Variants in OR2C3 observed in about 807,000 individuals in gnomAD.
The protein encoded by OR2C3 is olfactory receptor 2C3.
For synonymous variants in OR2C3, 178 were observed against 163.4 expected (o/e 1.09, Z -0.68); for missense variants, 425 against 401.5 (o/e 1.06, Z -0.50).
rs527682654 is a variant in OR2C3 at position 247,525,050 on chromosome 1, T to G, written c.*6499A>C. On this transcript the variant is annotated 3_prime_UTR_variant, in exon 3 of 3. Coordinates refer to ENST00000641802, the MANE Select transcript of OR2C3 (RefSeq NM_198074.6). Reference sequence around the variant, plus strand: ...ATGTTAGTGAAACTGTGAGAATATATGCCTTTGTACACATTATTGGCAAAA... The same window carrying G: ...ATGTTAGTGAAACTGTGAGAATATAGGCCTTTGTACACATTATTGGCAAAA... 3 of 152,240 alleles carry G rather than the reference T, an allele frequency of 2.0e-5. No homozygotes were observed. The highest frequency in any genetic ancestry group is 4.4e-5 in the Non-Finnish European group (3 of 68,046). 9.4% of individuals were successfully genotyped at this position (152,240 alleles called of 1,614,324 possible).
Position 247,527,924 on chromosome 1 carries a change from C to T in OR2C3, c.*3625G>A, listed in dbSNP as rs1666747022. 6.6e-6 allele frequency: 1 copy of T among 151,848 alleles called. No individual in the cohort carries two copies. The highest frequency in any genetic ancestry group is 1.5e-5 in the Non-Finnish European group (1 of 67,960). 9.4% of individuals were successfully genotyped at this position (151,848 alleles called of 1,614,324 possible). A position where few individuals can be genotyped will look rare whatever the true frequency, so the allele number is the denominator to read the frequency against. On this transcript the variant is annotated 3_prime_UTR_variant, in exon 3 of 3. Transcript: ENST00000641802. The surrounding 1 kb of genome is among the most constrained non-coding windows in gnomAD (Gnocchi z 4.6). ...CTATCCATTCCCAGCCTCAAGTATC[C>T]TCTGTTCTACTTATTTCTATGAGAT... is the stretch of plus-strand genomic sequence containing the variant.
chr1:247,535,054 G>GT (rs1667161649), intron 1 of OR2C3, among the ~76,000 whole-genome samples: 1 of 152,104 alleles, frequency 6.6e-6, no homozygotes. Flanking sequence ...GCTCATGCCT[G>GT]TATTCCTAGC....
rs1311646599 is a variant in OR2C3 at position 247,530,748 on chromosome 1, T to G, written c.*801A>C. On this transcript the variant is annotated 3_prime_UTR_variant, in exon 3 of 3. Coordinates refer to ENST00000641802, the MANE Select transcript of OR2C3 (RefSeq NM_198074.6). ...TCTTGGAAATACGACCCGTCAGGACTAGGTAGGTCTCGCCCAACTGCGACA... is the reference window on the plus strand; with the variant it reads ...TCTTGGAAATACGACCCGTCAGGACGAGGTAGGTCTCGCCCAACTGCGACA... 2 of 149,440 alleles carry G rather than the reference T, an allele frequency of 1.3e-5. No homozygotes were observed. Among genetic ancestry groups the G allele is most frequent in the Non-Finnish European group, 2.9e-5 (2 of 68,086 alleles). The allele number at this position is 149,440 out of a possible 1,614,324, so 9.3% of individuals were successfully genotyped here.
At position 247,532,027 on chromosome 1, in the gene OR2C3, G is replaced by A. The variant is rs562326145; in HGVS notation, c.485C>T (p.Thr162Met). The part of the protein sequence containing the change: ...GGLTTSMVGS[T>M]LTMLLPLCGN... ...ACACAGCGGTAGGAGCATGGTGAGC[G>A]TGGAGCCCACCATGCTGGTGGTCAG... The change falls in exon 3 of 3, where the codon ACG becomes ATG. Residue 162 changes from threonine to methionine, a missense_variant. By Grantham distance (81) the Thr-to-Met change is moderately conservative (BLOSUM62 -1). Transcript: ENST00000641802. 14 of 1,613,976 alleles carry A rather than the reference G, an allele frequency of 8.7e-6. No homozygotes were observed. Among genetic ancestry groups the A allele is most frequent in the East Asian group, 4.5e-5 (2 of 44,886 alleles).
In OR2C3 at chr1:247,532,400, C is replaced by G; in HGVS notation, c.112G>C (p.Val38Leu). 1 of 1,614,008 alleles carries G rather than the reference C, an allele frequency of 6.2e-7. No homozygotes were observed. Among genetic ancestry groups the G allele is most frequent in the African/African-American group, 1.3e-5 (1 of 74,986 alleles). Residue 38 changes from valine (V) to leucine (L), a missense_variant, in exon 3 of 3, where the codon GTA becomes CTA. Physicochemically the swap from Val to Leu is conservative, Grantham distance 32 (BLOSUM62 1). Transcript: ENST00000641802. ...LFIVVLSFYM[V>L]SILGNGIIIL... ...ATGATGCCATTGCCCAAGATCGATA[C>G]CATGTAAAAACTCAAGACAACTATG...
chr1:247,531,783 A>G lies in OR2C3; in HGVS notation c.729T>C (p.Ser243=), dbSNP rs759386191. The G allele has an allele frequency of 3.7e-6, 6 of 1,614,200 alleles. No individual in the cohort carries two copies. In the Admixed American group the frequency reaches 8.3e-5, roughly 22 times the overall value. The change falls in exon 3 of 3, where the codon TCT becomes TCC. Residue 243 remains serine (S), a synonymous_variant. Coordinates refer to ENST00000641802, the MANE Select transcript of OR2C3 (RefSeq NM_198074.6). The part of the protein sequence containing the change: ...EGRRKAFNTC[S]SHVAVVSLFY... ...ACAGAGACACCACAGCCACGTGGGA[A>G]GAACAGGTGTTGAATGCCTTTCTCC...
In OR2C3 at chr1:247,531,830, TCAA is replaced by T. The variant is rs1221692060; in HGVS notation, c.679_681del (p.Leu227del). 16 of 1,614,064 alleles carry T rather than the reference TCAA, an allele frequency of 9.9e-6. No individual in the cohort carries two copies. Among genetic ancestry groups the T allele is most frequent in the Non-Finnish European group, 1.4e-5 (16 of 1,180,002 alleles). ...CTCCGCCCTTCTGCTGACCTGATCT[TCAA>T]CACGGCCCGGGCAATGTGGCCGTAA... is the stretch of plus-strand genomic sequence containing the variant. On this transcript the variant is annotated inframe_deletion, in exon 3 of 3. Transcript: ENST00000641802.
Position 247,530,209 on chromosome 1 carries a change from C to G in OR2C3, c.*1340G>C, listed in dbSNP as rs1666863303. On this transcript the variant is annotated 3_prime_UTR_variant, in exon 3 of 3. Coordinates refer to ENST00000641802, the MANE Select transcript of OR2C3 (RefSeq NM_198074.6). ...TAATAAAATCAAAAACAGGAACTGCCACATGGTTTTGGTCTTCCCATGCCT... is the reference window on the plus strand; with the variant it reads ...TAATAAAATCAAAAACAGGAACTGCGACATGGTTTTGGTCTTCCCATGCCT... 6.6e-6 allele frequency: 1 copy of G among 152,024 alleles called. No individual in the cohort carries two copies. The highest frequency in any genetic ancestry group is 1.5e-5 in the Non-Finnish European group (1 of 68,010). 9.4% of individuals were successfully genotyped at this position (152,024 alleles called of 1,614,324 possible).
chr1:247,535,130 TAGTG>T (rs1444061665), intron 1 of OR2C3, among the ~76,000 whole-genome samples: 1 of 151,826 alleles, frequency 6.6e-6, no homozygotes, highest in Admixed American at 6.6e-5. Context: ...TTGGGCAACA[TAGTG>T]AGAGATTGTC....
chr1:247,532,146 G>A lies in OR2C3; in HGVS notation c.366C>T (p.Asp122=). The A allele has an allele frequency of 6.2e-7, 1 of 1,614,108 alleles. No homozygotes were observed. The highest frequency in any genetic ancestry group is 8.5e-7 in the Non-Finnish European group (1 of 1,180,012). The change falls in exon 3 of 3, where the codon GAC becomes GAT. Residue 122 remains aspartate, a synonymous_variant. Transcript: ENST00000641802. ...ECVLLATMSY[D]RYAAICRPLH... Reference sequence around the variant, plus strand: ...GTGGCCTGCAGATGGCAGCGTAGCGGTCATAGGACATGGTGGCCAGCAGGA... The same window carrying A: ...GTGGCCTGCAGATGGCAGCGTAGCGATCATAGGACATGGTGGCCAGCAGGA...
chr1:247,530,287 G>A lies in OR2C3; in HGVS notation c.*1262C>T, dbSNP rs1205308660. 2 of 152,198 alleles carry A rather than the reference G, an allele frequency of 1.3e-5. No individual in the cohort carries two copies. Among genetic ancestry groups the A allele is most frequent in the African/African-American group, 4.8e-5 (2 of 41,432 alleles). 9.4% of individuals were successfully genotyped at this position (152,198 alleles called of 1,614,324 possible). A position where few individuals can be genotyped will look rare whatever the true frequency, so the allele number is the denominator to read the frequency against. On this transcript the variant is annotated 3_prime_UTR_variant, in exon 3 of 3. Coordinates refer to ENST00000641802, the MANE Select transcript of OR2C3 (RefSeq NM_198074.6). ...ACTCTATTGATAGAGGTGAACTCTA[G>A]TGATAGGTTACTCTATTGATAGAAG...
rs976398895 is a variant in OR2C3, at chr1:247,531,179, C to T, written c.*370G>A. 8.8e-6 allele frequency: 2 copies of T among 227,182 alleles called. No individual in the cohort carries two copies. The highest frequency in any genetic ancestry group is 1.7e-5 in the Non-Finnish European group (2 of 114,448). The allele number at this position is 227,182 out of a possible 1,614,324, so 14.1% of individuals were successfully genotyped here. ...GCTCCGGGGGCTCTGGGGAACAGGC[C>T]GGCTCCGGTCTCCCCGCGCGCTCTC... On this transcript the variant is annotated 3_prime_UTR_variant, in exon 3 of 3. Coordinates refer to ENST00000641802, the MANE Select transcript of OR2C3 (RefSeq NM_198074.6).
rs1171168363 is a variant in OR2C3 at position 247,530,677 on chromosome 1, A to C, written c.*872T>G. On this transcript the variant is annotated 3_prime_UTR_variant, in exon 3 of 3. Coordinates refer to ENST00000641802, the MANE Select transcript of OR2C3 (RefSeq NM_198074.6). ...GCTTAGCGTTGTTACCTCTATATACAGAAGTAATAAAATGCACACAAAACA... is the reference window on the plus strand; with the variant it reads ...GCTTAGCGTTGTTACCTCTATATACCGAAGTAATAAAATGCACACAAAACA... The C allele has an allele frequency of 2.0e-5, 3 of 152,438 alleles. No homozygotes were observed. The highest frequency in any genetic ancestry group is 4.4e-5 in the Non-Finnish European group (3 of 68,150). 9.4% of individuals were successfully genotyped at this position (152,438 alleles called of 1,614,324 possible).
chr1:247,527,081 C>T lies in OR2C3; in HGVS notation c.*4468G>A. 2.2e-6 allele frequency: 1 copy of T among 456,562 alleles called. No homozygotes were observed. Among genetic ancestry groups the T allele is most frequent in the Middle Eastern group, 3.3e-4 (1 of 3,076 alleles). 28.3% of individuals were successfully genotyped at this position (456,562 alleles called of 1,614,324 possible). ...TACAAATCACATTTCAAGTGTATTT[C>T]CTTGGGTTCTGGAGAGGATGTCTTC... On this transcript the variant is annotated 3_prime_UTR_variant, in exon 3 of 3. Transcript: ENST00000641802. The surrounding 1 kb of genome is among the most constrained non-coding windows in gnomAD (Gnocchi z 4.6).
chr1:247,534,270 G>C (rs1255870738), intron 1 of OR2C3, among the ~76,000 whole-genome samples: 1 of 152,162 alleles, frequency 6.6e-6, no homozygotes, highest in Non-Finnish European at 1.5e-5. Context: ...TGGGTCCCCA[G>C]TGTCTAACCC....
rs138784605 is a variant in OR2C3 at position 247,526,686 on chromosome 1, G to A, written c.*4863C>T. ...CCATACATGAAGTAGAGGGTTCACA[G>A]AGCAGGTTTGGGATGATCCAGGTTT... is the stretch of plus-strand genomic sequence containing the variant. On this transcript the variant is annotated 3_prime_UTR_variant, in exon 3 of 3. Coordinates refer to ENST00000641802, the MANE Select transcript of OR2C3 (RefSeq NM_198074.6). This position sits in a 1 kb window ranked among gnomAD's most constrained non-coding sequence, Gnocchi z 4.8. 8.7e-5 allele frequency: 30 copies of A among 342,866 alleles called. No homozygotes were observed. The East Asian group carries it at 2.0e-3, about 23-fold the overall frequency. The allele number at this position is 342,866 out of a possible 1,614,324, so 21.2% of individuals were successfully genotyped here.
At position 247,531,503 on chromosome 1, in the gene OR2C3, T is replaced by G; in HGVS notation, c.*46A>C. ...AGTGCCCTGTCTTCCAAGGTCACTT[T>G]GCTCGATGTAAACTTGATCTTCCTT... On this transcript the variant is annotated 3_prime_UTR_variant, in exon 3 of 3. Transcript: ENST00000641802. The G allele has an allele frequency of 1.3e-6, 2 of 1,573,692 alleles. No homozygotes were observed. The highest frequency in any genetic ancestry group is 1.2e-5 in the South Asian group (1 of 84,782).
rs999510543 is a variant in OR2C3, at chr1:247,531,094, G to C, written c.*455C>G. 1.8e-5 allele frequency: 3 copies of C among 162,736 alleles called. No individual in the cohort carries two copies. The highest frequency in any genetic ancestry group is 3.4e-4 in the South Asian group (2 of 5,840). The allele number at this position is 162,736 out of a possible 1,614,324, so 10.1% of individuals were successfully genotyped here. Reference sequence around the variant, plus strand: ...GGGGAGCCACAGCGAGGGTTCCGGAGCCTGCAAGGCGGAGTCCCGGGCTCA... The same window carrying C: ...GGGGAGCCACAGCGAGGGTTCCGGACCCTGCAAGGCGGAGTCCCGGGCTCA... On this transcript the variant is annotated 3_prime_UTR_variant, in exon 3 of 3. Coordinates refer to ENST00000641802, the MANE Select transcript of OR2C3 (RefSeq NM_198074.6).
rs1426324834 is a variant in OR2C3 at position 247,530,603 on chromosome 1, A to G, written c.*946T>C. 1.3e-5 allele frequency: 2 copies of G among 151,794 alleles called. No individual in the cohort carries two copies. The highest frequency in any genetic ancestry group is 2.4e-5 in the African/African-American group (1 of 41,378). 9.4% of individuals were successfully genotyped at this position (151,794 alleles called of 1,614,324 possible). On this transcript the variant is annotated 3_prime_UTR_variant, in exon 3 of 3. Coordinates refer to ENST00000641802, the MANE Select transcript of OR2C3 (RefSeq NM_198074.6). ...TCATTTTACTACCTCTAATTTTAAC[A>G]TGTATCAGGTACTTCAGAACATCTA...
Sources: allele counts gnomAD v4.1 joint callset (sites outside exome capture counted in the v4.1 genomes callset), GRCh38; gene constraint gnomAD v4.1.1; non-coding constraint Gnocchi (gnomAD v3.1); transcripts MANE v1.5; gene names NCBI Gene and HGNC (gene_info 2026-07-23, HGNC 2026-07-21).